Variants in WASHC5 observed in about 807,000 individuals in gnomAD.
WASHC5 encodes the protein WASH complex subunit 5, also known as WASH complex subunit strumpellin.
A neutral mutation model predicts 150.4 loss-of-function variants in WASHC5; 101 were observed. The ratio of observed to expected loss-of-function variants is 0.67; its 90% CI spans 0.57 to 0.79. WASHC5 has a LOEUF of 0.79. Among genes scored for constraint, WASHC5 ranks in the 30% least tolerant of loss-of-function variants. WASHC5 has a pLI of 0.00. For missense variants in WASHC5, 1,195 were observed against 1,396.3 expected, an observed-to-expected ratio of 0.86 and a Z score of 2.30; for synonymous variants, 467 against 491.2, an observed-to-expected ratio of 0.95 and a Z score of 0.65.
chr8:125,063,995 T>C (rs963246621), intron 10 of WASHC5, among the ~76,000 whole-genome samples: 1 of 152,170 alleles, frequency 6.6e-6, no homozygotes, highest in Non-Finnish European at 1.5e-5. Flanking sequence ...GAGATTAAAT[T>C]TGTGACCACT....
At chr8:125,070,544 AC>A (rs1228604546) in intron 9 of WASHC5, among the ~76,000 whole-genome samples, 2 of 151,996 alleles carry the variant, frequency 1.3e-5, no homozygotes, top group South Asian at 4.2e-4. Flanking sequence ...TCACTAGAAA[AC>A]CCCAGTTGGT....
chr8:125,079,963 T>C (rs1817199619), intron 5 of WASHC5, among the ~76,000 whole-genome samples: 2 of 152,236 alleles, frequency 1.3e-5, no homozygotes, highest in Non-Finnish European at 2.9e-5. Context: ...AATTTAAAAA[T>C]ATTATGTCAA....
rs553110560 is a variant in WASHC5 at position 125,052,524 on chromosome 8, G to A, written c.2098-1859C>T. Among the ~76,000 whole-genome samples, 23 of 150,906 alleles carry A rather than the reference G, an allele frequency of 1.5e-4. No homozygotes were observed. In the South Asian group the frequency reaches 4.8e-3, roughly 32 times the overall value. ...AAAATCTAAATGGGATCATATACAT[G>A]TATATGTACAGAGACACGCAAGTAT... On this transcript the variant is annotated intron_variant, in intron 17 of 28. Coordinates refer to ENST00000318410, the MANE Select transcript of WASHC5 (RefSeq NM_014846.4).
rs17398450 is a variant in WASHC5 at position 125,024,791 on chromosome 8, A to G, written c.3424-118T>C. 52,537 of 721,150 alleles carry G rather than the reference A, an allele frequency of 0.073. 2,396 individuals are homozygous for G. Among genetic ancestry groups the G allele is most frequent in the Non-Finnish European group, 0.091 (36,766 of 403,156 alleles). The allele number at this position is 721,150 out of a possible 1,614,324, so 44.7% of individuals were successfully genotyped here. On this transcript the variant is annotated intron_variant, in intron 28 of 28. Coordinates refer to ENST00000318410, the MANE Select transcript of WASHC5 (RefSeq NM_014846.4). The stretch of plus-strand genomic sequence containing the variant: ...GTGAATAATAGAAGAGGAGACTCCC[A>G]TGGGCGGACGACTCCTTGAAACAGC...
Position 125,054,945 on chromosome 8 carries a change from A to AT in WASHC5, c.2097+645dup, listed in dbSNP as rs34923893. 3.8e-3 allele frequency among the ~76,000 whole-genome samples: 549 copies of AT among 146,292 alleles called. 1 individual carries two copies. The highest frequency in any genetic ancestry group is 8.9e-3 in the African/African-American group (360 of 40,450). Reference sequence around the variant, plus strand: ...AAGCAATTTTGACTAAGGAAATTGAATTTTTTTTTTTTTGCTTTTCCCAAA... The same window carrying AT: ...AAGCAATTTTGACTAAGGAAATTGAATTTTTTTTTTTTTTGCTTTTCCCAAA... On this transcript the variant is annotated intron_variant, in intron 17 of 28. Coordinates refer to ENST00000318410, the MANE Select transcript of WASHC5 (RefSeq NM_014846.4).
At chr8:125,049,786 A>G (rs1160708101) in intron 18 of WASHC5, among the ~76,000 whole-genome samples, 3 of 152,044 alleles carry the variant, frequency 2.0e-5, no homozygotes, top group African/African-American at 7.3e-5. Flanking sequence ...GGTTGCAGTG[A>G]ATCGAGATTG....
At chr8:125,087,979 T>C (rs1414668948) in intron 1 of WASHC5, among the ~76,000 whole-genome samples, 2 of 152,136 alleles carry the variant, frequency 1.3e-5, no homozygotes, top group Admixed American at 6.5e-5. Flanking sequence ...CTAGTTTCCA[T>C]AGAGCACCTC....
In WASHC5 at chr8:125,032,308, G is replaced by C. The variant is rs368308415; in HGVS notation, c.3268C>G (p.Arg1090Gly). The change falls in exon 27 of 29, where the codon CGG becomes GGG. Residue 1090 changes from arginine to glycine, a missense_variant. By Grantham distance (125) the Arg-to-Gly change is moderately radical. Transcript: ENST00000318410. ...AGCGCCAGGAACTGCTCGGTGTACCGGGAATGGAACTGCTTCAGCAGAGTG... is the reference window on the plus strand; with the variant it reads ...AGCGCCAGGAACTGCTCGGTGTACCCGGAATGGAACTGCTTCAGCAGAGTG... ...LLTLLKQFHS[R>G]YTEQFLALIG... 6.2e-7 allele frequency: 1 copy of C among 1,614,186 alleles called. No individual in the cohort carries two copies. Among genetic ancestry groups the C allele is most frequent in the Admixed American group, 1.7e-5 (1 of 60,032 alleles).
chr8:125,045,661 A>G (rs1021815034), intron 20 of WASHC5, among the ~76,000 whole-genome samples: 2 of 152,244 alleles, frequency 1.3e-5, no homozygotes, highest in Non-Finnish European at 2.9e-5. Flanking sequence ...GAAAGAGCCT[A>G]GAAGCAAGGG....
rs1341670530 is a variant in WASHC5, at chr8:125,028,615, C to G, written c.3423+5G>C. The G allele has an allele frequency of 1.9e-6, 3 of 1,592,032 alleles. No individual in the cohort carries two copies. Among genetic ancestry groups the G allele is most frequent in the Non-Finnish European group, 1.7e-6 (2 of 1,159,984 alleles). Reference sequence around the variant, plus strand: ...TAATATTGTTCTTTACTATCTATCACTTACCCTCCTGGGTAGCTTTGTGTA... The same window carrying G: ...TAATATTGTTCTTTACTATCTATCAGTTACCCTCCTGGGTAGCTTTGTGTA... On this transcript the variant is annotated splice_donor_5th_base_variant and intron_variant, in intron 28 of 28. Coordinates refer to ENST00000318410, the MANE Select transcript of WASHC5 (RefSeq NM_014846.4).
In WASHC5 at chr8:125,049,171, C is replaced by T; in HGVS notation, c.2214G>A (p.Met738Ile). 1 of 1,614,096 alleles carries T rather than the reference C, an allele frequency of 6.2e-7. No individual in the cohort carries two copies. Among genetic ancestry groups the T allele is most frequent in the Non-Finnish European group, 8.5e-7 (1 of 1,179,998 alleles). The change falls in exon 19 of 29, where the codon ATG (methionine) becomes ATA (isoleucine). Residue 738 changes from methionine (M) to isoleucine (I), a missense_variant. Met to Ile is a conservative substitution (Grantham distance 10, BLOSUM62 1). This residue lies in a region of WASHC5 where 997 missense variants were observed against 1,168.1 expected (regional missense o/e 0.85). Coordinates refer to ENST00000318410, the MANE Select transcript of WASHC5 (RefSeq NM_014846.4). ...FNPRAKPSELMPKLKELGATM... is the reference protein window; with the variant it reads ...FNPRAKPSELIPKLKELGATM... ...TCGCTCCCAACTCTTTCAGCTTGGG[C>T]ATCAATTCACTTGGCTGTGGAAAAG...
intron 26 of WASHC5, among the ~76,000 whole-genome samples, chr8:125,033,737 C>T (rs182633399): frequency 5.7e-4 from 87 of 152,046 alleles, no homozygotes; most frequent in South Asian, 2.5e-3. Flanking sequence ...TTAGTAGAGA[C>T]GGGTTTCACT....
rs753232489 is a variant in WASHC5 at position 125,039,810 on chromosome 8, A to G, written c.2939T>C (p.Leu980Pro). 1 of 1,612,256 alleles carries G rather than the reference A, an allele frequency of 6.2e-7. No individual in the cohort carries two copies. The highest frequency in any genetic ancestry group is 8.5e-7 in the Non-Finnish European group (1 of 1,178,440). ...RFDSKHLAAA[L>P]ENLNKALLAD... ...TGGCACTTACTTATTGAGATTCTCC[A>G]GAGCAGCTGCCAGATGTTTAGAATC... is the stretch of plus-strand genomic sequence containing the variant. The change falls in exon 24 of 29, where the codon CTG (leucine) becomes CCG (proline). Residue 980 changes from leucine to proline, a missense_variant. Around this residue, in one of 3 missense-constraint regions of WASHC5, gnomAD observed 997 missense variants for 1,168.1 expected, o/e 0.85. Transcript: ENST00000318410.
chr8:125,056,844 G>A (rs766240577), intron 15 of WASHC5, 27 bp from the exon 16 acceptor site: 6 of 1,613,628 alleles, frequency 3.7e-6, no homozygotes, highest in African/African-American at 2.7e-5. Flanking sequence ...AGCAGGAAAC[G>A]CAATGAACAT....
chr8:125,032,180 T>G, intron 27 of WASHC5, 61 bp downstream of exon 27: 291 of 1,571,902 alleles, frequency 1.9e-4, no homozygotes, highest in Non-Finnish European at 2.3e-4. Flanking sequence ...TTTGGTAATG[T>G]GAGGTTTAAG....
chr8:125,071,234 G>C (rs1816887610), intron 9 of WASHC5, among the ~76,000 whole-genome samples: 1 of 152,194 alleles, frequency 6.6e-6, no homozygotes, highest in Non-Finnish European at 1.5e-5. Flanking sequence ...TGGTTAATTA[G>C]TGTTGATCCA....
chr8:125,054,683 G>A (rs1330876194), intron 17 of WASHC5, among the ~76,000 whole-genome samples: 2 of 152,102 alleles, frequency 1.3e-5, no homozygotes, highest in South Asian at 2.1e-4. Context: ...GCCGGGCATG[G>A]TGGTGGGCGC....
intron 12 of WASHC5, among the ~76,000 whole-genome samples, chr8:125,060,344 G>A (rs1586363709): frequency 6.6e-6 from 1 of 152,114 alleles, no homozygotes; most frequent in Non-Finnish European, 1.5e-5. Flanking sequence ...AAATTAGCTG[G>A]GCATGGTGGC....
chr8:125,032,331 G>A lies in WASHC5; in HGVS notation c.3245C>T (p.Thr1082Ile). Residue 1082 changes from threonine (T) to isoleucine (I), a missense_variant, in exon 27 of 29, where the codon ACT (threonine) becomes ATT (isoleucine). Physicochemically the swap from Thr to Ile is moderately conservative, Grantham distance 89. This residue lies in a region of WASHC5 where 997 missense variants were observed against 1,168.1 expected (regional missense o/e 0.85). Coordinates refer to ENST00000318410, the MANE Select transcript of WASHC5 (RefSeq NM_014846.4). ...CCGGGAATGGAACTGCTTCAGCAGA[G>A]TGAGCAGTCCCAGGACAAGTGGTGG... ...DWPPLVLGLL[T>I]LLKQFHSRYT... is the part of the protein sequence containing the mutation. 2 of 1,614,202 alleles carry A rather than the reference G, an allele frequency of 1.2e-6. No homozygotes were observed. The highest frequency in any genetic ancestry group is 1.1e-5 in the South Asian group (1 of 91,080).
Sources: gnomAD v4.1 joint callset for allele counts (sites outside exome capture counted in the v4.1 genomes callset) on GRCh38, gnomAD v4.1.1 for gene constraint, gnomAD v4.1.1 regional missense constraint, MANE v1.5 for transcripts, NCBI Gene and HGNC (gene_info 2026-07-23, HGNC 2026-07-21) for gene names.